Variants in FBXW7 observed in about 807,000 individuals in gnomAD.
FBXW7 encodes F-box/WD repeat-containing protein 7.
In FBXW7, 11 loss-of-function variants were observed where a neutral mutation model predicts 86.3. That is an observed-to-expected ratio of 0.13 (90% CI 0.08 to 0.21). The LOEUF is 0.21. FBXW7 is among the 10% of genes least tolerant of loss of function. The probability of loss-of-function intolerance (pLI) is 1.00; values close to 1 mark genes in which losing one functional copy is unlikely to be tolerated. For synonymous variants in FBXW7, 313 were observed against 297.9 expected (o/e 1.05, Z -0.52); for missense variants, 488 against 847.4 (o/e 0.58, Z 5.27).
intron 2 of FBXW7, among the ~76,000 whole-genome samples, chr4:152,514,706 T>A (rs1402353598): frequency 6.6e-6 from 1 of 152,152 alleles, no homozygotes; most frequent in African/African-American, 2.4e-5. Flanking sequence ...CACCATGTGA[T>A]ACCTGCTCCC....
chr4:152,519,319 T>TAAAGAAAG (rs1196184828), intron 2 of FBXW7, among the ~76,000 whole-genome samples: 4 of 149,750 alleles, frequency 2.7e-5, no homozygotes, highest in South Asian at 2.1e-4. Context: ...AATAAATAAA[T>TAAAGAAAG]AAAGAAAGAA....
chr4:152,449,632 G>A (rs1180340958), intron 2 of FBXW7, among the ~76,000 whole-genome samples: 1 of 152,124 alleles, frequency 6.6e-6, no homozygotes, highest in Non-Finnish European at 1.5e-5. Flanking sequence ...TTTTGATACT[G>A]AATTTTCTCC....
At chr4:152,455,046 T>C (rs990832309) in intron 2 of FBXW7, among the ~76,000 whole-genome samples, 6 of 152,170 alleles carry the variant, frequency 3.9e-5, no homozygotes, top group African/African-American at 1.4e-4. Flanking sequence ...TTAAATTACA[T>C]ATCCATTTAT....
intron 2 of FBXW7, among the ~76,000 whole-genome samples, chr4:152,481,940 T>C (rs1744921214): frequency 6.6e-6 from 1 of 152,212 alleles, no homozygotes; most frequent in Non-Finnish European, 1.5e-5. Context: ...CAATATTACA[T>C]ACTTAGTTGA....
intron 2 of FBXW7, among the ~76,000 whole-genome samples, chr4:152,490,275 T>C (rs1000233466): frequency 6.6e-6 from 1 of 152,152 alleles, no homozygotes; most frequent in African/African-American, 2.4e-5. Flanking sequence ...ATATTGTGAA[T>C]GTACTTGATG....
intron 11 of FBXW7, among the ~76,000 whole-genome samples, chr4:152,326,739 A>T (rs1308859418): frequency 6.6e-6 from 1 of 152,094 alleles, no homozygotes; most frequent in Admixed American, 6.6e-5. Context: ...TTAGGTAAAA[A>T]ATTCAATAAA....
chr4:152,352,627 C>CT (rs1451326909), intron 4 of FBXW7: 8 of 1,613,762 alleles, frequency 5.0e-6, no homozygotes, highest in Non-Finnish European at 6.8e-6. Flanking sequence ...TGTGGACATG[C>CT]TCAGGCACGT....
intron 2 of FBXW7, among the ~76,000 whole-genome samples, chr4:152,471,025 T>C (rs931642656): frequency 1.3e-5 from 2 of 152,078 alleles, no homozygotes; most frequent in African/African-American, 4.8e-5. Context: ...TCACATATCA[T>C]AACTAGCAGA....
chr4:152,327,504 G>A (rs569242914), intron 11 of FBXW7, among the ~76,000 whole-genome samples: 5 of 152,072 alleles, frequency 3.3e-5, no homozygotes, highest in African/African-American at 1.2e-4. Flanking sequence ...TTAATAGGAG[G>A]GCTTTACAGG....
At position 152,439,865 on chromosome 4, in the gene FBXW7, CAAAAAAAAAAA is replaced by C. The variant is rs35657415; in HGVS notation, c.-119-27347_-119-27337del. The stretch of plus-strand genomic sequence containing the variant: ...TGGGTGACAGAGCAAGACTCCGTCA[CAAAAAAAAAAA>C]AAAAAAAAAAGTCCAATGTCACCTC... On this transcript the variant is annotated intron_variant, in intron 2 of 13. Coordinates refer to ENST00000281708, the MANE Select transcript of FBXW7 (RefSeq NM_001349798.2). Among the ~76,000 whole-genome samples the C allele has an allele frequency of 3.0e-3, 169 of 57,160 alleles. 1 individual carries two copies. The highest frequency in any genetic ancestry group is 8.7e-3 in the African/African-American group (148 of 16,976). 37.5% of individuals were successfully genotyped at this position (57,160 alleles called of 152,430 possible).
chr4:152,458,334 A>G (rs963379165), intron 2 of FBXW7, among the ~76,000 whole-genome samples: 3 of 152,180 alleles, frequency 2.0e-5, no homozygotes, highest in Admixed American at 1.3e-4. Context: ...TATACTTTCT[A>G]AACAGGTTGA....
chr4:152,353,838 T>C (rs913748181), intron 4 of FBXW7, among the ~76,000 whole-genome samples: 1 of 152,178 alleles, frequency 6.6e-6, no homozygotes, highest in African/African-American at 2.4e-5. Flanking sequence ...TTCCTTGAGC[T>C]AGAAAAGCCC....
At chr4:152,439,892 A>G (rs962212845) in intron 2 of FBXW7, among the ~76,000 whole-genome samples, 9 of 151,560 alleles carry the variant, frequency 5.9e-5, no homozygotes, top group African/African-American at 2.2e-4. Flanking sequence ...AAAAAGTCCA[A>G]TGTCACCTCC....
At chr4:152,451,391 A>G (rs1202186352) in intron 2 of FBXW7, among the ~76,000 whole-genome samples, 1 of 152,224 alleles carries the variant, frequency 6.6e-6, no homozygotes, top group Admixed American at 6.5e-5. Context: ...GGTAGTCTAA[A>G]AGATGTGAAA....
chr4:152,409,594 T>C (rs945230369), intron 4 of FBXW7, among the ~76,000 whole-genome samples: 1 of 152,136 alleles, frequency 6.6e-6, no homozygotes, highest in African/African-American at 2.4e-5. Context: ...ATCTTACTTG[T>C]AGAAGGGTAT....
intron 2 of FBXW7, among the ~76,000 whole-genome samples, chr4:152,471,274 C>T (rs955673690): frequency 3.3e-5 from 5 of 150,472 alleles, no homozygotes; most frequent in African/African-American, 7.3e-5. Context: ...AATACTGTCA[C>T]GATATTTAGG....
chr4:152,533,011 A>T (rs1750153868), intron 2 of FBXW7, among the ~76,000 whole-genome samples: 1 of 151,920 alleles, frequency 6.6e-6, no homozygotes, highest in Non-Finnish European at 1.5e-5. Context: ...ACATGGTGAA[A>T]CCCCATCTCT....
At chr4:152,363,875 AG>A (rs1733211937) in intron 4 of FBXW7, among the ~76,000 whole-genome samples, 1 of 152,196 alleles carries the variant, frequency 6.6e-6, no homozygotes, top group Non-Finnish European at 1.5e-5. Context: ...TTTGAACCTA[AG>A]GAAGTCCTGG....
chr4:152,411,795 C>T lies in FBXW7; in HGVS notation c.9G>A (p.Gln3=), dbSNP rs1462131711. 6.2e-7 allele frequency: 1 copy of T among 1,605,002 alleles called. No individual in the cohort carries two copies. Among genetic ancestry groups the T allele is most frequent in the African/African-American group, 1.3e-5 (1 of 74,484 alleles). MN[Q]ELLSVGSKRR... The stretch of plus-strand genomic sequence containing the variant: ...TTTTGCTGCCCACAGAGAGCAGTTC[C>T]TGATTCATTTCCAAAAGCCAGCTTG... Residue 3 remains glutamine, a synonymous_variant, in exon 4 of 14, where the codon CAG becomes CAA. Transcript: ENST00000281708.
Sources: gnomAD v4.1 joint callset for allele counts (sites outside exome capture counted in the v4.1 genomes callset) on GRCh38, gnomAD v4.1.1 for gene constraint, MANE v1.5 for transcripts, NCBI Gene and HGNC (gene_info 2026-07-23, HGNC 2026-07-21) for gene names.